The following FNBP1 variants were observed in gnomAD, a reference collection of about 807,000 sequenced individuals.
FNBP1 encodes formin-binding protein 1.
A neutral mutation model predicts 90.6 loss-of-function variants in FNBP1; 26 were observed. That is an observed-to-expected ratio of 0.29 (90% CI 0.21 to 0.40). FNBP1 has a LOEUF of 0.40. Among genes scored for constraint, FNBP1 ranks in the 10% least tolerant of loss-of-function variants. The probability of loss-of-function intolerance (pLI) is 1.00; values close to 1 mark genes in which losing one functional copy is unlikely to be tolerated. For synonymous variants in FNBP1, 260 were observed against 265.2 expected (o/e 0.98, Z 0.19); for missense variants, 635 against 768.0 (o/e 0.83, Z 2.05).
intron 1 of FNBP1, among the ~76,000 whole-genome samples, chr9:130,007,951 T>G (rs1023675422): frequency 2.8e-5 from 4 of 142,388 alleles, no homozygotes; most frequent in African/African-American, 1.1e-4. Flanking sequence ...TGAGCCAAGA[T>G]CGCACCACTG....
intron 2 of FNBP1, among the ~76,000 whole-genome samples, chr9:129,981,585 C>T (rs2051271726): frequency 6.6e-6 from 1 of 151,770 alleles, no homozygotes; most frequent in Admixed American, 6.6e-5. Flanking sequence ...TTTTGCATAC[C>T]AAGTGACATG....
intron 1 of FNBP1, among the ~76,000 whole-genome samples, chr9:130,016,282 G>A (rs1790313382): frequency 6.6e-6 from 1 of 152,146 alleles, no homozygotes; most frequent in Non-Finnish European, 1.5e-5. Flanking sequence ...TTGTGAATGG[G>A]ATTAGTGCCC....
intron 16 of FNBP1, among the ~76,000 whole-genome samples, chr9:129,892,570 C>G (rs1039941663): frequency 5.3e-5 from 8 of 152,140 alleles, no homozygotes; most frequent in Non-Finnish European, 1.2e-4. Flanking sequence ...GGAAAAGCTT[C>G]TCTGTACATA....
In FNBP1 at chr9:129,927,310, A is replaced by G. The variant is rs774813133; in HGVS notation, c.674T>C (p.Val225Ala). The change falls in exon 8 of 17, where the codon GTG (valine) becomes GCG (alanine). Residue 225 changes from valine to alanine, a missense_variant. Coordinates refer to ENST00000446176, the MANE Select transcript of FNBP1 (RefSeq NM_015033.3). ...KIQEMEERRI[V>A]RMGESMKTYA... ...TGTCTTCATGGACTCTCCCATTCTCACAATCCTCCTTTCCTCCATCTCTTG... is the reference window on the plus strand; with the variant it reads ...TGTCTTCATGGACTCTCCCATTCTCGCAATCCTCCTTTCCTCCATCTCTTG... 68 of 1,612,028 alleles carry G rather than the reference A, an allele frequency of 4.2e-5. 1 individual carries two copies. In the South Asian group the frequency reaches 5.3e-4, roughly 13 times the overall value.
chr9:129,896,122 C>T (rs2035697122), intron 15 of FNBP1, 126 bp from the exon 16 acceptor site: 1 of 937,832 alleles, frequency 1.1e-6, no homozygotes, highest in Admixed American at 2.5e-5. Context: ...CCCACTCGGA[C>T]CTTCTCAGAT....
At chr9:129,947,212 G>T (rs796714026) in intron 6 of FNBP1, among the ~76,000 whole-genome samples, 8 of 152,166 alleles carry the variant, frequency 5.3e-5, no homozygotes, top group African/African-American at 1.9e-4. Flanking sequence ...AGGCCAAGGT[G>T]GGTGGATCAC....
At chr9:130,008,214 T>G (rs977197990) in intron 1 of FNBP1, among the ~76,000 whole-genome samples, 2 of 151,688 alleles carry the variant, frequency 1.3e-5, no homozygotes, top group African/African-American at 2.4e-5. Context: ...CTGGGTGTGG[T>G]GTCATGCGCC....
chr9:129,895,174 G>C, intron 16 of FNBP1: 1 of 769,008 alleles, frequency 1.3e-6, no homozygotes, highest in Non-Finnish European at 1.6e-6. Context: ...CCAGATTTCA[G>C]CTGGTTGTCT....
At chr9:130,003,198 C>T (rs2055122537) in intron 1 of FNBP1, among the ~76,000 whole-genome samples, 1 of 152,076 alleles carries the variant, frequency 6.6e-6, no homozygotes, top group Non-Finnish European at 1.5e-5. Flanking sequence ...GTGGCTCACA[C>T]CTGTAATCCC....
chr9:130,016,840 T>C (rs1414252974), intron 1 of FNBP1, among the ~76,000 whole-genome samples: 1 of 152,250 alleles, frequency 6.6e-6, no homozygotes, highest in Non-Finnish European at 1.5e-5. Context: ...GAGTTGGTTT[T>C]GTTCACATAC....
intron 10 of FNBP1, 123 bp from the exon 11 acceptor site, chr9:129,916,103 C>T (rs1178380705): frequency 2.1e-5 from 14 of 679,970 alleles, no homozygotes; most frequent in Non-Finnish European, 3.1e-5. Flanking sequence ...TAAAATAACA[C>T]ACACGTCTAC....
intron 5 of FNBP1, 86 bp downstream of exon 5, chr9:129,958,405 C>T (rs924231062): frequency 7.7e-6 from 8 of 1,039,806 alleles, no homozygotes; most frequent in African/African-American, 6.5e-5. Context: ...GCACTCCAAC[C>T]TGGGCAACAG....
At chr9:129,976,463 T>C (rs1358696660) in intron 4 of FNBP1, among the ~76,000 whole-genome samples, 3 of 152,216 alleles carry the variant, frequency 2.0e-5, no homozygotes, top group Non-Finnish European at 1.5e-5. Context: ...TTTAAACCAA[T>C]GGGTTGATCT....
intron 11 of FNBP1, among the ~76,000 whole-genome samples, chr9:129,909,764 C>T (rs146790313): frequency 1.3e-4 from 20 of 152,306 alleles, no homozygotes; most frequent in African/African-American, 4.6e-4. Context: ...GCTGGGACTA[C>T]AGGCATGTGC....
At chr9:130,050,342 A>G in the FNBP1 span, among the ~76,000 whole-genome samples, 1 of 152,170 alleles carries the variant, frequency 6.6e-6, no homozygotes, top group Non-Finnish European at 1.5e-5. Flanking sequence ...GTGGCTGAGC[A>G]AGTTATACAC....
At chr9:129,891,920 C>T (rs1025098393) in intron 16 of FNBP1, among the ~76,000 whole-genome samples, 1 of 152,214 alleles carries the variant, frequency 6.6e-6, no homozygotes, top group African/African-American at 2.4e-5. Context: ...GAAGCAGATA[C>T]GAGGGTACAA....
At chr9:129,942,422 A>G (rs1175717519) in intron 6 of FNBP1, among the ~76,000 whole-genome samples, 1 of 152,094 alleles carries the variant, frequency 6.6e-6, no homozygotes, top group African/African-American at 2.4e-5. Flanking sequence ...ACCTCTCTTT[A>G]TTGGGTCCTG....
intron 6 of FNBP1, among the ~76,000 whole-genome samples, chr9:129,953,485 G>A (rs1216347345): frequency 2.6e-5 from 4 of 151,644 alleles, no homozygotes; most frequent in Non-Finnish European, 5.9e-5. Flanking sequence ...ATGAGACTAC[G>A]TCTCAGAAAA....
In FNBP1 at chr9:129,981,281, G is replaced by A. The variant is rs369129504; in HGVS notation, c.141-1907C>T. On this transcript the variant is annotated intron_variant, in intron 2 of 16. Transcript: ENST00000446176. ...TTTTGTGCTTTTTAGTAGAGACGGG[G>A]TTTCACCACGTTGGCCAGGCTGGCC... is the stretch of plus-strand genomic sequence containing the variant. Among the ~76,000 whole-genome samples, 305 of 152,020 alleles carry A rather than the reference G, an allele frequency of 2.0e-3. 1 individual carries two copies. The highest frequency in any genetic ancestry group is 6.9e-3 in the African/African-American group (286 of 41,518).
Sources: allele counts gnomAD v4.1 joint callset (sites outside exome capture counted in the v4.1 genomes callset), GRCh38; gene constraint gnomAD v4.1.1; transcripts MANE v1.5; gene names NCBI Gene and HGNC (gene_info 2026-07-23, HGNC 2026-07-21).